Variants in TP63 observed in about 807,000 individuals in gnomAD.
TP63 encodes tumor protein 63.
TP63 carries 17 observed loss-of-function variants against 82.8 expected under a neutral mutation model. That is an observed-to-expected ratio of 0.21 (90% CI 0.14 to 0.31). The LOEUF is 0.31. Ranked by LOEUF, TP63 falls within the 10% of genes least tolerant of loss-of-function variation. The pLI, the probability that TP63 is intolerant of heterozygous loss-of-function variation, is 1.00. For synonymous variants in TP63, 330 were observed against 321.7 expected (o/e 1.03, Z -0.28); for missense variants, 648 against 895.3 (o/e 0.72, Z 3.52).
intron 1 of TP63, among the ~76,000 whole-genome samples, chr3:189,722,749 G>A (rs1047811617): frequency 6.6e-6 from 1 of 152,044 alleles, no homozygotes; most frequent in Admixed American, 6.6e-5. Flanking sequence ...TATTCGTAAG[G>A]CACTTAGATC....
intron 3 of TP63, among the ~76,000 whole-genome samples, chr3:189,782,433 G>T (rs1289393644): frequency 2.6e-5 from 4 of 152,136 alleles, no homozygotes; most frequent in African/African-American, 9.7e-5. Flanking sequence ...CAGTAAGTAG[G>T]GGGGCCAGGG....
At chr3:189,604,335 A>AC in the TP63 span, among the ~76,000 whole-genome samples, 1 of 152,176 alleles carries the variant, frequency 6.6e-6, no homozygotes, top group Non-Finnish European at 1.5e-5. Flanking sequence ...AATTCTACCT[A>AC]CTATTTAGCT....
intron 3 of TP63, among the ~76,000 whole-genome samples, chr3:189,754,704 T>A (rs2108527458): frequency 6.6e-6 from 1 of 152,306 alleles, no homozygotes; most frequent in Non-Finnish European, 1.5e-5. Context: ...GTCACTTAAC[T>A]TTAAGTCTGA....
At chr3:189,678,911 T>C (rs1026430966) in intron 1 of TP63, among the ~76,000 whole-genome samples, 1 of 152,034 alleles carries the variant, frequency 6.6e-6, no homozygotes, top group African/African-American at 2.4e-5. Context: ...TTGGTTGTTA[T>C]TGATGTATAT....
At chr3:189,658,337 T>C (rs112262113) in intron 1 of TP63, among the ~76,000 whole-genome samples, 20 of 152,062 alleles carry the variant, frequency 1.3e-4, no homozygotes, top group African/African-American at 4.6e-4. Flanking sequence ...CAAATAATTT[T>C]TGTAGATATT....
At chr3:189,637,403 T>C (rs886228287) in intron 1 of TP63, among the ~76,000 whole-genome samples, 5 of 152,168 alleles carry the variant, frequency 3.3e-5, no homozygotes, top group Admixed American at 3.3e-4. Context: ...CATGTAAGCA[T>C]ACCTCAAGTT....
rs201792240 is a variant in TP63, at chr3:189,673,140, A to G, written c.62+41563A>G. The stretch of plus-strand genomic sequence containing the variant: ...CGGCATGAGCCATAGCACCCAGCCT[A>G]TCAGAATTTAATAAATAACAATCAT... On this transcript the variant is annotated intron_variant, in intron 1 of 13. Transcript: ENST00000264731. Among the ~76,000 whole-genome samples, 8 of 152,218 alleles carry G rather than the reference A, an allele frequency of 5.3e-5. No homozygotes were observed. In the East Asian group the frequency reaches 1.5e-3, roughly 29 times the overall value.
At chr3:189,727,380 T>A (rs368270231) in intron 1 of TP63, among the ~76,000 whole-genome samples, 1 of 152,168 alleles carries the variant, frequency 6.6e-6, no homozygotes, top group Non-Finnish European at 1.5e-5. Flanking sequence ...GCAGTAAACC[T>A]TTCCTCAATT....
the TP63 span, among the ~76,000 whole-genome samples, chr3:189,614,227 A>T: frequency 3.3e-5 from 5 of 151,950 alleles, no homozygotes; most frequent in South Asian, 8.3e-4. Context: ...AATCATGGGG[A>T]CCAGTCTTTC....
At chr3:189,855,217 G>A (rs1716137167) in intron 4 of TP63, among the ~76,000 whole-genome samples, 1 of 152,120 alleles carries the variant, frequency 6.6e-6, no homozygotes, top group African/African-American at 2.4e-5. Flanking sequence ...ATGTATTGAG[G>A]TCAAGCATGA....
chr3:189,875,613 T>TATATATATATACACACAC (rs1553859698), intron 10 of TP63, among the ~76,000 whole-genome samples: 6 of 105,506 alleles, frequency 5.7e-5, no homozygotes, highest in South Asian at 3.0e-4. Flanking sequence ...TATATATATA[T>TATATATATATACACACAC]ATATATATAT....
chr3:189,785,801 A>T (rs1724557037), intron 3 of TP63, among the ~76,000 whole-genome samples: 1 of 152,074 alleles, frequency 6.6e-6, no homozygotes, highest in Non-Finnish European at 1.5e-5. Context: ...TCAGAGTTGC[A>T]CTTTAGGAAA....
chr3:189,785,576 C>T (rs1293370887), intron 3 of TP63, among the ~76,000 whole-genome samples: 2 of 151,940 alleles, frequency 1.3e-5, no homozygotes, highest in Non-Finnish European at 2.9e-5. Context: ...TTGAATATAT[C>T]GGGAAAGCAA....
intron 3 of TP63, among the ~76,000 whole-genome samples, chr3:189,786,688 C>G (rs1406045649): frequency 6.6e-6 from 1 of 151,988 alleles, no homozygotes; most frequent in Non-Finnish European, 1.5e-5. Context: ...AGCGTGACCC[C>G]TAATTCAGAG....
intron 4 of TP63, among the ~76,000 whole-genome samples, chr3:189,838,385 A>C (rs1248116428): frequency 1.3e-5 from 2 of 152,206 alleles, no homozygotes; most frequent in Admixed American, 1.3e-4. Flanking sequence ...CAACTAAGAC[A>C]GTTGTGTTAC....
the TP63 span, among the ~76,000 whole-genome samples, chr3:189,613,754 T>G: frequency 6.6e-6 from 1 of 152,218 alleles, no homozygotes; most frequent in African/African-American, 2.4e-5. Flanking sequence ...CTACCTCTTG[T>G]ATCAGTGTGG....
At chr3:189,890,740 G>A (rs1050518972) in intron 12 of TP63, 49 bp from the exon 13 acceptor site, 20 of 1,572,674 alleles carry the variant, frequency 1.3e-5, no homozygotes, top group Non-Finnish European at 1.7e-5. Flanking sequence ...CAGTTGGGGT[G>A]AACTTTCTTT....
chr3:189,656,639 A>G (rs1713391174), intron 1 of TP63, among the ~76,000 whole-genome samples: 1 of 152,150 alleles, frequency 6.6e-6, no homozygotes, highest in African/African-American at 2.4e-5. Context: ...AAATACAAGG[A>G]CAGAGATATT....
At chr3:189,864,634 T>A (rs879337153) in intron 5 of TP63, among the ~76,000 whole-genome samples, 9 of 150,870 alleles carry the variant, frequency 6.0e-5, no homozygotes, top group Admixed American at 5.3e-4. Context: ...TATTTAATAT[T>A]AGTAATTACT....
Sources: allele counts gnomAD v4.1 joint callset (sites outside exome capture counted in the v4.1 genomes callset), GRCh38; gene constraint gnomAD v4.1.1; transcripts MANE v1.5; gene names NCBI Gene and HGNC (gene_info 2026-07-23, HGNC 2026-07-21).